Variants in PPP2R1A observed in about 807,000 individuals in gnomAD.
PPP2R1A encodes the protein serine/threonine-protein phosphatase 2A 65 kDa regulatory subunit A alpha isoform.
PPP2R1A carries 15 observed loss-of-function variants against 67.1 expected under a neutral mutation model. That is an observed-to-expected ratio of 0.22 (90% CI 0.15 to 0.34). PPP2R1A has a LOEUF of 0.34. Ranked by LOEUF, PPP2R1A falls within the 10% of genes least tolerant of loss-of-function variation. The pLI, the probability that PPP2R1A is intolerant of heterozygous loss-of-function variation, is 1.00. For synonymous variants in PPP2R1A, 337 were observed against 325.0 expected (o/e 1.04, Z -0.40); for missense variants, 369 against 775.0 (o/e 0.48, Z 6.22).
At chr19:52,220,880 G>A in intron 11 of PPP2R1A, 99 bp from the exon 12 acceptor site, 1 of 1,410,980 alleles carries the variant, frequency 7.1e-7, no homozygotes, top group Non-Finnish European at 9.9e-7. Flanking sequence ...CTGGCACCTA[G>A]GGGCTGCTTT....
intron 1 of PPP2R1A, among the ~76,000 whole-genome samples, chr19:52,198,985 A>G (rs958632321): frequency 3.3e-5 from 5 of 152,200 alleles, no homozygotes; most frequent in African/African-American, 1.2e-4. Flanking sequence ...AATTGTAATT[A>G]TTCCCTGTAC....
rs376742581 is a variant in PPP2R1A, at chr19:52,215,891, A to G, written c.920A>G (p.Lys307Arg). The stretch of plus-strand genomic sequence containing the variant: ...AGGGCCGCAGCCTCCCACAAGGTCA[A>G]AGGTTGGTGCTGGCAGCCGGAACAC... Reference protein sequence around the residue: ...EVRAAASHKVKEFCENLSADC... With the variant: ...EVRAAASHKVREFCENLSADC... Residue 307 changes from lysine to arginine, a missense_variant and splice_region_variant, in exon 7 of 15, where the codon AAA becomes AGA. Physicochemically the swap from Lys to Arg is conservative, Grantham distance 26. Transcript: ENST00000322088. 6.2e-7 allele frequency: 1 copy of G among 1,613,914 alleles called. No individual in the cohort carries two copies. Among genetic ancestry groups the G allele is most frequent in the Non-Finnish European group, 8.5e-7 (1 of 1,179,938 alleles).
intron 1 of PPP2R1A, chr19:52,201,347 G>T (rs996360641): frequency 6.6e-6 from 1 of 152,086 alleles, no homozygotes; most frequent in Non-Finnish European, 1.5e-5. Context: ...TCACTCTGTT[G>T]CCCAGGCTGG....
intron 6 of PPP2R1A, among the ~76,000 whole-genome samples, chr19:52,214,259 C>T (rs1360122534): frequency 6.6e-6 from 1 of 151,666 alleles, no homozygotes; most frequent in East Asian, 1.9e-4. Flanking sequence ...AGGGTGGGAT[C>T]GGAGAGAGGG....
rs2122339998 is a variant in PPP2R1A, at chr19:52,213,195, T to A, written c.807+85T>A. On this transcript the variant is annotated intron_variant, in intron 6 of 14. Transcript: ENST00000322088. This position sits in a 1 kb window ranked among gnomAD's most constrained non-coding sequence, Gnocchi z 4.2. ...AAGCATATAGGAGCTGAGGTTTCCA[T>A]TAGGCCGATGGAACCATTGGGCGTT... 1 of 1,440,786 alleles carries A rather than the reference T, an allele frequency of 6.9e-7. No individual in the cohort carries two copies. Among genetic ancestry groups the A allele is most frequent in the Non-Finnish European group, 9.1e-7 (1 of 1,098,518 alleles). 89.3% of individuals were successfully genotyped at this position (1,440,786 alleles called of 1,614,324 possible). A position where few individuals can be genotyped will look rare whatever the true frequency, so the allele number is the denominator to read the frequency against.
At chr19:52,207,990 T>C (rs1415252116) in intron 3 of PPP2R1A, among the ~76,000 whole-genome samples, 1 of 152,088 alleles carries the variant, frequency 6.6e-6, no homozygotes, top group East Asian at 1.9e-4. Flanking sequence ...TGACAGGTTA[T>C]AAGAAATAGA....
At chr19:52,201,100 GT>G (rs1166221047) in intron 1 of PPP2R1A, 1 of 149,704 alleles carries the variant, frequency 6.7e-6, no homozygotes, top group Non-Finnish European at 1.5e-5. Context: ...TGCAAAGACC[GT>G]TTTGACGTGC....
intron 3 of PPP2R1A, among the ~76,000 whole-genome samples, chr19:52,210,683 G>A (rs546195259): frequency 9.9e-5 from 15 of 151,962 alleles, no homozygotes; most frequent in South Asian, 2.1e-4. Flanking sequence ...TAGTAGAAAC[G>A]GGGTTTCACC....
chr19:52,190,171 T>G lies in PPP2R1A; in HGVS notation c.75T>G (p.Val25=), dbSNP rs587778622. ...TAGACGAACTCCGCAATGAGGACGT[T>G]CAGGTCCGGAGGCTACGGGGGACTT... The part of the protein sequence containing the change: ...VLIDELRNED[V]QLRLNSIKKL... Residue 25 remains valine, a synonymous_variant, in exon 1 of 15, where the codon GTT becomes GTG. Coordinates refer to ENST00000322088, the MANE Select transcript of PPP2R1A (RefSeq NM_014225.6). The G allele has an allele frequency of 2.0e-4, 314 of 1,550,678 alleles. 3 individuals carry two copies. The highest frequency in any genetic ancestry group is 1.4e-4 in the Admixed American group (7 of 50,962).
At position 52,227,787 on chromosome 19, in the gene PPP2R1A, C is replaced by T. The variant is rs1049277506; in HGVS notation, c.*1806C>T. ...ACTCTCTCCCAGTTGAGAACTACTG[C>T]TCTAGAAATGTGAACACACGTGTAA... is the stretch of plus-strand genomic sequence containing the variant. On this transcript the variant is annotated 3_prime_UTR_variant, in exon 15 of 15. Coordinates refer to ENST00000322088, the MANE Select transcript of PPP2R1A (RefSeq NM_014225.6). 6.6e-6 allele frequency: 1 copy of T among 152,194 alleles called. No individual in the cohort carries two copies. Among genetic ancestry groups the T allele is most frequent in the Non-Finnish European group, 1.5e-5 (1 of 68,036 alleles). 9.4% of individuals were successfully genotyped at this position (152,194 alleles called of 1,614,324 possible). A position where few individuals can be genotyped will look rare whatever the true frequency, so the allele number is the denominator to read the frequency against.
At chr19:52,225,153 G>A (rs1979179056) in intron 13 of PPP2R1A, among the ~76,000 whole-genome samples, 1 of 151,550 alleles carries the variant, frequency 6.6e-6, no homozygotes, top group South Asian at 2.1e-4. Flanking sequence ...AAGTAGCTGG[G>A]ATCACAGGCG....
In PPP2R1A at chr19:52,213,584, G is replaced by A. The variant is rs1291879917; in HGVS notation, c.807+474G>A. On this transcript the variant is annotated intron_variant, in intron 6 of 14. Transcript: ENST00000322088. This position sits in a 1 kb window ranked among gnomAD's most constrained non-coding sequence, Gnocchi z 4.2. ...TGCAGCCTGTCCCTCCCGGGTGCAGGCATTTCTCCTGCCTCAGCCTCCTGA... is the reference window on the plus strand; with the variant it reads ...TGCAGCCTGTCCCTCCCGGGTGCAGACATTTCTCCTGCCTCAGCCTCCTGA... Among the ~76,000 whole-genome samples the A allele has an allele frequency of 6.7e-6, 1 of 149,870 alleles. No homozygotes were observed. The highest frequency in any genetic ancestry group is 2.5e-5 in the African/African-American group (1 of 40,664).
At position 52,216,219 on chromosome 19, in the gene PPP2R1A, G is replaced by A. The variant is rs905316741; in HGVS notation, c.993+145G>A. On this transcript the variant is annotated intron_variant, in intron 8 of 14. Transcript: ENST00000322088. This position sits in a 1 kb window ranked among gnomAD's most constrained non-coding sequence, Gnocchi z 4.3. ...CAGCTCTTGGGTTTCAAGCAGTTAG[G>A]GGTCCTGACTGCAGCTTGAGGCTGA... 31 of 906,152 alleles carry A rather than the reference G, an allele frequency of 3.4e-5. No individual in the cohort carries two copies. Among genetic ancestry groups the A allele is most frequent in the Admixed American group, 5.0e-5 (2 of 40,318 alleles). 56.1% of individuals were successfully genotyped at this position (906,152 alleles called of 1,614,324 possible). A position where few individuals can be genotyped will look rare whatever the true frequency, so the allele number is the denominator to read the frequency against.
At chr19:52,210,924 C>G (rs1404636084) in intron 3 of PPP2R1A, among the ~76,000 whole-genome samples, 1 of 152,160 alleles carries the variant, frequency 6.6e-6, no homozygotes, top group Non-Finnish European at 1.5e-5. Flanking sequence ...CAGTGATGAT[C>G]ATTGCACTTT....
chr19:52,223,153 G>A (rs1979046045), intron 13 of PPP2R1A, among the ~76,000 whole-genome samples: 1 of 152,234 alleles, frequency 6.6e-6, no homozygotes, highest in African/African-American at 2.4e-5. Context: ...AGGCATCTCT[G>A]CAGTTCAGTG....
At chr19:52,223,411 G>A (rs1400839737) in intron 13 of PPP2R1A, among the ~76,000 whole-genome samples, 3 of 152,156 alleles carry the variant, frequency 2.0e-5, no homozygotes, top group Non-Finnish European at 4.4e-5. Flanking sequence ...AAAATGTAAC[G>A]CTGTTTCTCA....
At chr19:52,225,938 G>T in intron 14 of PPP2R1A, 27 bp from the exon 15 acceptor site, 1 of 1,614,230 alleles carries the variant, frequency 6.2e-7, no homozygotes, top group East Asian at 2.2e-5. Context: ...CTCTGGTTCT[G>T]ATTCTTGCCT....
At chr19:52,193,983 A>G (rs2089476359) in intron 1 of PPP2R1A, among the ~76,000 whole-genome samples, 1 of 150,288 alleles carries the variant, frequency 6.7e-6, no homozygotes, top group Non-Finnish European at 1.5e-5. Flanking sequence ...GTGTGATGAC[A>G]CAGGCCTTGG....
chr19:52,227,494 G>C lies in PPP2R1A; in HGVS notation c.*1513G>C, dbSNP rs1284518321. The C allele has an allele frequency of 1.3e-5, 2 of 152,324 alleles. No individual in the cohort carries two copies. Among genetic ancestry groups the C allele is most frequent in the Non-Finnish European group, 2.9e-5 (2 of 68,122 alleles). 9.4% of individuals were successfully genotyped at this position (152,324 alleles called of 1,614,324 possible). A position where few individuals can be genotyped will look rare whatever the true frequency, so the allele number is the denominator to read the frequency against. On this transcript the variant is annotated 3_prime_UTR_variant, in exon 15 of 15. Coordinates refer to ENST00000322088, the MANE Select transcript of PPP2R1A (RefSeq NM_014225.6). ...GGAATTCTAACTGATGGAGGGAGGG[G>C]CCCAGAGCACCCTGGAGAAAGGAGC...
Sources: gnomAD v4.1 joint callset for allele counts (sites outside exome capture counted in the v4.1 genomes callset) on GRCh38, gnomAD v4.1.1 for gene constraint, Gnocchi (gnomAD v3.1) non-coding constraint, MANE v1.5 for transcripts, NCBI Gene and HGNC (gene_info 2026-07-23, HGNC 2026-07-21) for gene names.